Variants in SHISA9 observed in about 807,000 individuals in gnomAD.
The protein encoded by SHISA9 is shisa family member 9.
In SHISA9, 13 loss-of-function variants were observed where a neutral mutation model predicts 38.0. The observed-to-expected ratio is 0.34, with a 90% CI of 0.22 to 0.54. SHISA9 has a LOEUF of 0.54. Ranked by LOEUF, SHISA9 falls within the 20% of genes least tolerant of loss-of-function variation. The probability of loss-of-function intolerance (pLI) is 0.91; values close to 1 mark genes in which losing one functional copy is unlikely to be tolerated. For synonymous variants in SHISA9, 275 were observed against 242.0 expected (o/e 1.14, Z -1.27); for missense variants, 538 against 575.8 (o/e 0.93, Z 0.67).
the SHISA9 span, among the ~76,000 whole-genome samples, chr16:13,388,899 A>G: frequency 9.9e-4 from 150 of 152,250 alleles, 1 homozygote; most frequent in South Asian, 0.03. Context: ...AATACAGAGA[A>G]CCTTTGTAAA....
At chr16:13,095,356 C>G (rs1269552897) in intron 2 of SHISA9, among the ~76,000 whole-genome samples, 1 of 152,192 alleles carries the variant, frequency 6.6e-6, no homozygotes, top group East Asian at 1.9e-4. Context: ...GTTGGCAGAT[C>G]CCCTGCATTC....
chr16:13,543,346 C>G, the SHISA9 span, among the ~76,000 whole-genome samples: 1 of 152,196 alleles, frequency 6.6e-6, no homozygotes, highest in Non-Finnish European at 1.5e-5. Flanking sequence ...ATTTACACTT[C>G]AAGAGTAACT....
the SHISA9 span, among the ~76,000 whole-genome samples, chr16:13,528,785 T>G: frequency 6.6e-6 from 1 of 152,244 alleles, no homozygotes; most frequent in African/African-American, 2.4e-5. Context: ...TCTTGTAATG[T>G]GCCTACGTAG....
chr16:13,370,370 G>T, the SHISA9 span, among the ~76,000 whole-genome samples: 1 of 152,128 alleles, frequency 6.6e-6, no homozygotes, highest in Admixed American at 6.5e-5. Flanking sequence ...GGAAACAAAG[G>T]TCCTGGAACA....
intron 2 of SHISA9, among the ~76,000 whole-genome samples, chr16:13,015,890 C>CTTTCTTTCTCTTTCTTTCTTTCTTTCTT (rs2072743891): frequency 2.3e-4 from 27 of 117,032 alleles, no homozygotes; most frequent in African/African-American, 7.9e-4. Flanking sequence ...TTCTTTCTTT[C>CTTTCTTTCTCTTTCTTTCTTTCTTTCTT]TTTCTTTCTT....
At chr16:13,160,282 A>G (rs563754181) in intron 2 of SHISA9, among the ~76,000 whole-genome samples, 3 of 152,304 alleles carry the variant, frequency 2.0e-5, no homozygotes, top group Admixed American at 1.3e-4. Context: ...GGAGGTGGAT[A>G]CAGCTTAGTT....
the SHISA9 span, among the ~76,000 whole-genome samples, chr16:13,432,906 G>A: frequency 6.6e-6 from 1 of 152,050 alleles, no homozygotes; most frequent in African/African-American, 2.4e-5. Flanking sequence ...ATACCCTGGG[G>A]TCTATCGGAG....
the SHISA9 span, among the ~76,000 whole-genome samples, chr16:13,407,842 A>G: frequency 6.6e-6 from 1 of 152,216 alleles, no homozygotes; most frequent in African/African-American, 2.4e-5. Context: ...TGTAGATATT[A>G]TTGTGTAATT....
At chr16:13,377,208 A>G in the SHISA9 span, among the ~76,000 whole-genome samples, 9 of 152,284 alleles carry the variant, frequency 5.9e-5, no homozygotes, top group South Asian at 1.9e-3. Context: ...GGACCACAAT[A>G]GCAGCCTTAG....
chr16:13,382,778 A>G, the SHISA9 span, among the ~76,000 whole-genome samples: 2 of 152,014 alleles, frequency 1.3e-5, no homozygotes, highest in African/African-American at 2.4e-5. Context: ...GAATTGCTTG[A>G]ACCCAGGAGG....
intron 2 of SHISA9, among the ~76,000 whole-genome samples, chr16:12,961,863 C>G (rs1339363758): frequency 6.6e-6 from 1 of 152,230 alleles, no homozygotes; most frequent in Non-Finnish European, 1.5e-5. Flanking sequence ...TGTGATCACA[C>G]ACACCTGCTA....
chr16:13,409,091 A>G, the SHISA9 span, among the ~76,000 whole-genome samples: 3 of 152,174 alleles, frequency 2.0e-5, no homozygotes, highest in Admixed American at 6.5e-5. Context: ...AAGTGGTAGA[A>G]TGGTATGACA....
intron 2 of SHISA9, among the ~76,000 whole-genome samples, chr16:13,144,031 G>A (rs763495799): frequency 5.3e-5 from 8 of 152,100 alleles, no homozygotes; most frequent in African/African-American, 1.9e-4. Context: ...TTTGGGAGGG[G>A]CATGGTCAAT....
the SHISA9 span, among the ~76,000 whole-genome samples, chr16:13,267,858 CT>C: frequency 1.4e-5 from 2 of 141,394 alleles, no homozygotes; most frequent in Non-Finnish European, 3.1e-5. Flanking sequence ...AGAGGGGGTT[CT>C]TTTCTTGTTT....
intron 2 of SHISA9, among the ~76,000 whole-genome samples, chr16:13,008,648 TC>T (rs2072629399): frequency 4.6e-5 from 1 of 21,668 alleles, no homozygotes; most frequent in Non-Finnish European, 9.1e-5. Context: ...CCTCCCTCCC[TC>T]CCTCCCTCCC....
chr16:13,346,268 T>G, the SHISA9 span, among the ~76,000 whole-genome samples: 1 of 152,204 alleles, frequency 6.6e-6, no homozygotes, highest in African/African-American at 2.4e-5. Context: ...TTCAGTTTCA[T>G]GCAAGTTACT....
the SHISA9 span, among the ~76,000 whole-genome samples, chr16:13,422,386 C>T: frequency 3.3e-5 from 5 of 152,150 alleles, no homozygotes; most frequent in Admixed American, 1.3e-4. Context: ...ACTACATTGG[C>T]ACTGACTGAT....
chr16:13,509,733 C>T, the SHISA9 span, among the ~76,000 whole-genome samples: 1 of 152,086 alleles, frequency 6.6e-6, no homozygotes, highest in African/African-American at 2.4e-5. Context: ...ATTAATGACC[C>T]ACTGTGTGTC....
At chr16:13,002,414 C>T (rs892767736) in intron 2 of SHISA9, among the ~76,000 whole-genome samples, 3 of 152,002 alleles carry the variant, frequency 2.0e-5, no homozygotes, top group African/African-American at 4.8e-5. Flanking sequence ...TGTCCACAAG[C>T]GACGGCTCCA....
Sources: gnomAD v4.1 joint callset for allele counts (sites outside exome capture counted in the v4.1 genomes callset) on GRCh38, gnomAD v4.1.1 for gene constraint, MANE v1.5 for transcripts, NCBI Gene and HGNC (gene_info 2026-07-23, HGNC 2026-07-21) for gene names.